Variants in RPS6KC1 observed in about 807,000 individuals in gnomAD.
The protein encoded by RPS6KC1 is inactive ribosomal protein S6 kinase delta-1.
Under a neutral mutation model 103.8 loss-of-function variants are expected in RPS6KC1, and 54 were observed. That is an observed-to-expected ratio of 0.52 (90% CI 0.42 to 0.65). RPS6KC1 has a LOEUF of 0.65. RPS6KC1 is among the 30% of genes least tolerant of loss of function. RPS6KC1 has a pLI of 0.00. For synonymous variants in RPS6KC1, 439 were observed against 438.7 expected, an observed-to-expected ratio of 1.00 and a Z score of -0.01; for missense variants, 1,151 against 1,253.8, an observed-to-expected ratio of 0.92 and a Z score of 1.24.
the RPS6KC1 span, among the ~76,000 whole-genome samples, chr1:213,327,359 A>C: frequency 6.6e-6 from 1 of 152,178 alleles, no homozygotes; most frequent in Non-Finnish European, 1.5e-5. Context: ...TGTTGTTCAT[A>C]CACAACCAAG....
chr1:213,178,839 T>C (rs1289121963), intron 8 of RPS6KC1, among the ~76,000 whole-genome samples: 1 of 151,960 alleles, frequency 6.6e-6, no homozygotes. Flanking sequence ...CTCAGCCTCC[T>C]GAGTAGCTGG....
the RPS6KC1 span, among the ~76,000 whole-genome samples, chr1:213,853,192 C>A: frequency 6.6e-6 from 1 of 152,222 alleles, no homozygotes; most frequent in Non-Finnish European, 1.5e-5. Flanking sequence ...TTGCAGCCAG[C>A]AGATGTGTAT....
the RPS6KC1 span, among the ~76,000 whole-genome samples, chr1:213,543,924 G>A: frequency 6.6e-6 from 1 of 152,152 alleles, no homozygotes; most frequent in Non-Finnish European, 1.5e-5. Flanking sequence ...CTTTCCAGCA[G>A]CACTAGAATG....
the RPS6KC1 span, among the ~76,000 whole-genome samples, chr1:213,774,493 G>A: frequency 6.6e-6 from 1 of 152,186 alleles, no homozygotes; most frequent in Non-Finnish European, 1.5e-5. Flanking sequence ...AGACAGGGAA[G>A]CAGAAAACTA....
chr1:213,328,853 G>C, the RPS6KC1 span, among the ~76,000 whole-genome samples: 1 of 152,044 alleles, frequency 6.6e-6, no homozygotes, highest in East Asian at 1.9e-4. Flanking sequence ...GGACATGGTA[G>C]GTTAACTGCT....
At chr1:213,191,034 A>G (rs976159070) in intron 8 of RPS6KC1, among the ~76,000 whole-genome samples, 1 of 152,074 alleles carries the variant, frequency 6.6e-6, no homozygotes, top group African/African-American at 2.4e-5. Flanking sequence ...GTACCATGCC[A>G]TTTTGGTTAC....
the RPS6KC1 span, among the ~76,000 whole-genome samples, chr1:213,670,943 G>T: frequency 6.6e-6 from 1 of 152,114 alleles, no homozygotes; most frequent in Non-Finnish European, 1.5e-5. Flanking sequence ...TCCCTCTCAG[G>T]GGTTTGGTGA....
the RPS6KC1 span, among the ~76,000 whole-genome samples, chr1:213,581,840 A>G: frequency 1.3e-5 from 2 of 151,922 alleles, no homozygotes; most frequent in East Asian, 1.9e-4. Context: ...GCCTTTCCAC[A>G]TGCTATTCCT....
chr1:213,631,043 T>C, the RPS6KC1 span, among the ~76,000 whole-genome samples: 19 of 152,172 alleles, frequency 1.2e-4, no homozygotes, highest in Non-Finnish European at 2.5e-4. Context: ...GTGTGCCGTT[T>C]GCTAAGACAG....
intron 8 of RPS6KC1, among the ~76,000 whole-genome samples, chr1:213,214,385 G>A (rs1038803974): frequency 2.4e-4 from 36 of 152,216 alleles, no homozygotes; most frequent in African/African-American, 5.5e-4. Flanking sequence ...TGGGAAGCTC[G>A]AAATGGGTGG....
the RPS6KC1 span, among the ~76,000 whole-genome samples, chr1:213,685,201 C>G: frequency 3.3e-5 from 5 of 152,190 alleles, no homozygotes; most frequent in Admixed American, 1.3e-4. Flanking sequence ...TTCTCTTCTT[C>G]TCTTTTATTT....
chr1:213,470,687 G>C, the RPS6KC1 span, among the ~76,000 whole-genome samples: 1 of 140,006 alleles, frequency 7.1e-6, no homozygotes, highest in African/African-American at 2.7e-5. Flanking sequence ...TGACACAATC[G>C]TAGAATGCTG....
chr1:213,858,560 T>C, the RPS6KC1 span, among the ~76,000 whole-genome samples: 1 of 152,138 alleles, frequency 6.6e-6, no homozygotes, highest in Non-Finnish European at 1.5e-5. Flanking sequence ...AGACATCTCA[T>C]AACCAGAGCA....
chr1:213,220,601 A>G (rs1219555109), intron 8 of RPS6KC1, among the ~76,000 whole-genome samples: 2 of 152,240 alleles, frequency 1.3e-5, no homozygotes, highest in Admixed American at 6.5e-5. Context: ...CTGGGATTGC[A>G]GATGTGAGTC....
At chr1:213,733,544 G>GTTT in the RPS6KC1 span, among the ~76,000 whole-genome samples, 1,225 of 100,138 alleles carry the variant, frequency 0.012, 43 homozygotes, top group East Asian at 0.086. Context: ...GCTATTTTTA[G>GTTT]TTTGTTTTTT....
intron 1 of RPS6KC1, among the ~76,000 whole-genome samples, chr1:213,060,770 A>G (rs948130319): frequency 6.6e-6 from 1 of 152,238 alleles, no homozygotes; most frequent in Non-Finnish European, 1.5e-5. Context: ...AACTTTAGCA[A>G]ACATATACTG....
chr1:213,788,287 A>C, the RPS6KC1 span, among the ~76,000 whole-genome samples: 1 of 152,078 alleles, frequency 6.6e-6, no homozygotes, highest in Non-Finnish European at 1.5e-5. Flanking sequence ...CAAAAGACAA[A>C]TGGTTTTTGT....
At chr1:213,358,642 G>T in the RPS6KC1 span, among the ~76,000 whole-genome samples, 2 of 152,074 alleles carry the variant, frequency 1.3e-5, no homozygotes, top group East Asian at 1.9e-4. Flanking sequence ...CTTCAGTTCT[G>T]CTCTGATCTT....
intron 4 of RPS6KC1, among the ~76,000 whole-genome samples, chr1:213,114,947 T>C (rs894598628): frequency 1.1e-4 from 17 of 152,250 alleles, no homozygotes; most frequent in South Asian, 6.2e-4. Flanking sequence ...CTGCTGGATT[T>C]GGTTTGCCAG....
Sources: gnomAD v4.1 joint callset for allele counts (sites outside exome capture counted in the v4.1 genomes callset) on GRCh38, gnomAD v4.1.1 for gene constraint, MANE v1.5 for transcripts, NCBI Gene and HGNC (gene_info 2026-07-23, HGNC 2026-07-21) for gene names.